Variants in ITPR3 observed in about 807,000 individuals in gnomAD.
The protein encoded by ITPR3 is inositol 1,4,5-trisphosphate-gated calcium channel ITPR3.
Under a neutral mutation model 293.2 loss-of-function variants are expected in ITPR3, and 173 were observed. The observed-to-expected ratio is 0.59, with a 90% CI of 0.52 to 0.67. The LOEUF (loss-of-function observed/expected upper bound fraction) is 0.67, where lower values mean the gene tolerates loss of function less well. ITPR3 is among the 30% of genes least tolerant of loss of function. The probability of loss-of-function intolerance (pLI) is 0.00; values close to 1 mark genes in which losing one functional copy is unlikely to be tolerated. For missense variants in ITPR3, 2,796 were observed against 3,592.1 expected, an observed-to-expected ratio of 0.78 and a Z score of 5.66; for synonymous variants, 1,295 against 1,444.4, an observed-to-expected ratio of 0.90 and a Z score of 2.35.
chr6:33,695,214 G>A (rs1209772977), intron 57 of ITPR3, 129 bp downstream of exon 57: 6 of 1,018,796 alleles, frequency 5.9e-6, no homozygotes, highest in South Asian at 1.7e-5. Context: ...GAGAAGGCAG[G>A]TGCCAAACCC....
In ITPR3 at chr6:33,691,741, G is replaced by A. The variant is rs1765397638; in HGVS notation, c.7330+22G>A. 1.2e-6 allele frequency: 2 copies of A among 1,613,374 alleles called. No homozygotes were observed. The highest frequency in any genetic ancestry group is 1.7e-5 in the Admixed American group (1 of 59,872). On this transcript the variant is annotated intron_variant, in intron 53 of 57. Transcript: ENST00000605930. This position sits in a 1 kb window ranked among gnomAD's most constrained non-coding sequence, Gnocchi z 4.9. ...GAAGGTGAGGGTGGTGTGTGTGCAG[G>A]AGTCTGTGTGGGGTAGGAGGAGCAG...
intron 33 of ITPR3, among the ~76,000 whole-genome samples, chr6:33,680,884 G>C (rs9469556): frequency 6.7e-6 from 1 of 148,262 alleles, no homozygotes; most frequent in East Asian, 2.0e-4. Flanking sequence ...GCAGTGGCGC[G>C]ATCTCTGCTT....
Position 33,667,326 on chromosome 6 carries a change from C to A in ITPR3, c.1713+36C>A. On this transcript the variant is annotated intron_variant, in intron 15 of 57. Transcript: ENST00000605930. The surrounding 1 kb of genome is among the most constrained non-coding windows in gnomAD (Gnocchi z 4.4). The stretch of plus-strand genomic sequence containing the variant: ...GCCCTGCTGGCCCACTCGCTGGCTG[C>A]ACGTTCCTTCCTCAGCAAGCGATTT... 6.3e-7 allele frequency: 1 copy of A among 1,596,864 alleles called. No individual in the cohort carries two copies. The highest frequency in any genetic ancestry group is 8.5e-7 in the Non-Finnish European group (1 of 1,171,360).
Position 33,670,929 on chromosome 6 carries a change from G to A in ITPR3, c.2586+114G>A. Reference sequence around the variant, plus strand: ...GGGATCCATGACCCCACTTCCTTCTGTGTCCCCAGCCAGTGCAGGGGGACC... The same window carrying A: ...GGGATCCATGACCCCACTTCCTTCTATGTCCCCAGCCAGTGCAGGGGGACC... On this transcript the variant is annotated intron_variant, in intron 20 of 57. Coordinates refer to ENST00000605930, the MANE Select transcript of ITPR3 (RefSeq NM_002224.4). The surrounding 1 kb of genome is among the most constrained non-coding windows in gnomAD (Gnocchi z 6.7). 1 of 1,412,850 alleles carries A rather than the reference G, an allele frequency of 7.1e-7. No homozygotes were observed. The allele number at this position is 1,412,850 out of a possible 1,614,324, so 87.5% of individuals were successfully genotyped here.
chr6:33,657,139 A>C (rs1484440515), intron 3 of ITPR3, among the ~76,000 whole-genome samples: 1 of 152,140 alleles, frequency 6.6e-6, no homozygotes, highest in Non-Finnish European at 1.5e-5. Context: ...TCCTGCTGCC[A>C]CCTTCGCCTC....
At position 33,689,240 on chromosome 6, in the gene ITPR3, G is replaced by A. The variant is rs373107106; in HGVS notation, c.6697G>A (p.Val2233Met). Residue 2233 changes from valine to methionine, a missense_variant and splice_region_variant, in exon 50 of 58, where the codon GTG becomes ATG. By Grantham distance (21) the Val-to-Met change is conservative. Coordinates refer to ENST00000605930, the MANE Select transcript of ITPR3 (RefSeq NM_002224.4). Reference sequence around the variant, plus strand: ...CTCACCCTGCCCCTGGCCCCCAGGCGTGCTGGACTCCCCTCTCATCTCATT... The same window carrying A: ...CTCACCCTGCCCCTGGCCCCCAGGCATGCTGGACTCCCCTCTCATCTCATT... Reference protein sequence around the residue: ...YPYMEGASTGVLDSPLISLLF... With the variant: ...YPYMEGASTGMLDSPLISLLF... 55 of 1,609,000 alleles carry A rather than the reference G, an allele frequency of 3.4e-5. No homozygotes were observed. The highest frequency in any genetic ancestry group is 1.1e-4 in the East Asian group (5 of 44,882).
intron 2 of ITPR3, among the ~76,000 whole-genome samples, chr6:33,641,458 G>C (rs561690599): frequency 6.6e-6 from 1 of 152,190 alleles, no homozygotes; most frequent in South Asian, 2.1e-4. Flanking sequence ...TGGCTGGCTG[G>C]CTGGCGGCCG....
chr6:33,680,614 C>T lies in ITPR3; in HGVS notation c.4410C>T (p.Ser1470=), dbSNP rs771140880. 7.4e-6 allele frequency: 12 copies of T among 1,613,972 alleles called. No individual in the cohort carries two copies. Among genetic ancestry groups the T allele is most frequent in the Middle Eastern group, 1.6e-4 (1 of 6,084 alleles). The change falls in exon 33 of 58, where the codon AGC becomes AGT. Residue 1470 remains serine (S), a synonymous_variant. Transcript: ENST00000605930. Reference sequence around the variant, plus strand: ...CCACCTTGGAGAAGTACGTGCTGAGCGTTGTGCTGGACACCATCAACGCCT... The same window carrying T: ...CCACCTTGGAGAAGTACGTGCTGAGTGTTGTGCTGGACACCATCAACGCCT... ...ADPTLEKYVL[S]VVLDTINAFF...
chr6:33,680,838 TGAGATGGAG>T (rs1765054892), intron 33 of ITPR3, among the ~76,000 whole-genome samples, 158 bp downstream of exon 33: 1 of 147,794 alleles, frequency 6.8e-6, no homozygotes, highest in Non-Finnish European at 1.5e-5. Flanking sequence ...TTTTTTTTTT[TGAGATGGAG>T]TTTCACTCTG....
At chr6:33,627,688 G>C (rs1220738554) in intron 1 of ITPR3, among the ~76,000 whole-genome samples, 1 of 152,180 alleles carries the variant, frequency 6.6e-6, no homozygotes, top group East Asian at 1.9e-4. Flanking sequence ...CTAACTTTTT[G>C]TGTTTCTGTG....
rs148764699 is a variant in ITPR3, at chr6:33,623,519, G to C, written c.89+1828G>C. The stretch of plus-strand genomic sequence containing the variant: ...TTTTGTATTTTTTTTGTAGAGACTG[G>C]GTTTCACCATGTTGCCCAGGCTGGT... On this transcript the variant is annotated intron_variant, in intron 1 of 57. Transcript: ENST00000605930. Among the ~76,000 whole-genome samples, 772 of 151,652 alleles carry C rather than the reference G, an allele frequency of 5.1e-3. 21 individuals are homozygous for C. Among genetic ancestry groups the C allele is most frequent in the East Asian group, 0.047 (245 of 5,158 alleles).
Position 33,670,945 on chromosome 6 carries a change from C to T in ITPR3, c.2586+130C>T. 1.5e-6 allele frequency: 2 copies of T among 1,340,834 alleles called. No individual in the cohort carries two copies. The highest frequency in any genetic ancestry group is 1.0e-6 in the Non-Finnish European group (1 of 977,064). The allele number at this position is 1,340,834 out of a possible 1,614,324, so 83.1% of individuals were successfully genotyped here. A position where few individuals can be genotyped will look rare whatever the true frequency, so the allele number is the denominator to read the frequency against. On this transcript the variant is annotated intron_variant, in intron 20 of 57. Transcript: ENST00000605930. The surrounding 1 kb of genome is among the most constrained non-coding windows in gnomAD (Gnocchi z 6.7). ...CTTCCTTCTGTGTCCCCAGCCAGTG[C>T]AGGGGGACCGCATAGAAGGCTGGGA...
At position 33,633,038 on chromosome 6, in the gene ITPR3, C is replaced by A. The variant is rs1463145361; in HGVS notation, c.90-7446C>A. Reference sequence around the variant, plus strand: ...ACTGTGGTAAGAACACAATGAGATACTGGATGTAAAAACGATTGATAAACT... The same window carrying A: ...ACTGTGGTAAGAACACAATGAGATAATGGATGTAAAAACGATTGATAAACT... On this transcript the variant is annotated intron_variant, in intron 1 of 57. Coordinates refer to ENST00000605930, the MANE Select transcript of ITPR3 (RefSeq NM_002224.4). The surrounding 1 kb of genome is among the most constrained non-coding windows in gnomAD (Gnocchi z 5.2). 6.6e-6 allele frequency among the ~76,000 whole-genome samples: 1 copy of A among 152,204 alleles called. No individual in the cohort carries two copies. The highest frequency in any genetic ancestry group is 1.5e-5 in the Non-Finnish European group (1 of 68,028).
At chr6:33,639,610 G>T (rs1168418437) in intron 1 of ITPR3, among the ~76,000 whole-genome samples, 1 of 152,114 alleles carries the variant, frequency 6.6e-6, no homozygotes, top group Non-Finnish European at 1.5e-5. Flanking sequence ...CCTTTGACAC[G>T]GTGGGTGATC....
Position 33,664,148 on chromosome 6 carries a change from A to G in ITPR3, c.1148+268A>G, listed in dbSNP as rs970901962. On this transcript the variant is annotated intron_variant, in intron 11 of 57. Transcript: ENST00000605930. The surrounding 1 kb of genome is among the most constrained non-coding windows in gnomAD (Gnocchi z 4.4). ...ATGGCAGTTTGTCTAGGACACCAGC[A>G]GCACAGGGAACCCAAACACTGGATG... is the stretch of plus-strand genomic sequence containing the variant. Among the ~76,000 whole-genome samples, 22 of 152,344 alleles carry G rather than the reference A, an allele frequency of 1.4e-4. No homozygotes were observed. The highest frequency in any genetic ancestry group is 1.1e-3 in the Admixed American group (17 of 15,310).
At chr6:33,668,484 C>G in intron 16 of ITPR3, 31 bp from the exon 17 acceptor site, 1 of 1,613,960 alleles carries the variant, frequency 6.2e-7, no homozygotes, top group South Asian at 1.1e-5. Flanking sequence ...CTCTGAGACC[C>G]TCTTCCCACC....
At chr6:33,678,881 G>A (rs1422414836) in intron 30 of ITPR3, 42 bp downstream of exon 30, 3 of 1,577,132 alleles carry the variant, frequency 1.9e-6, no homozygotes, top group East Asian at 2.3e-5. Context: ...CTTGGGGTGG[G>A]GGACCGGAGC....
rs1763744648 is a variant in ITPR3, at chr6:33,633,785, C to G, written c.90-6699C>G. On this transcript the variant is annotated intron_variant, in intron 1 of 57. Transcript: ENST00000605930. This position sits in a 1 kb window ranked among gnomAD's most constrained non-coding sequence, Gnocchi z 5.2. The stretch of plus-strand genomic sequence containing the variant: ...GGGGCCGGGGCCGGGGCCGGACGCC[C>G]GGAGCTCGCGGGCCGGGCCAGGCTG... Among the ~76,000 whole-genome samples the G allele has an allele frequency of 2.8e-5, 3 of 106,500 alleles. No homozygotes were observed. The highest frequency in any genetic ancestry group is 6.7e-4 in the South Asian group (2 of 2,968). The allele number at this position is 106,500 out of a possible 152,430, so 69.9% of individuals were successfully genotyped here. A position where few individuals can be genotyped will look rare whatever the true frequency, so the allele number is the denominator to read the frequency against.
At position 33,654,706 on chromosome 6, in the gene ITPR3, G is replaced by T. The variant is rs1764267330; in HGVS notation, c.161-1060G>T. ...AGCCATCTCCTTTCTGTTCCACACT[G>T]CCAGAGCATTGTACAATCAGGGACT... On this transcript the variant is annotated intron_variant, in intron 2 of 57. Coordinates refer to ENST00000605930, the MANE Select transcript of ITPR3 (RefSeq NM_002224.4). This position sits in a 1 kb window ranked among gnomAD's most constrained non-coding sequence, Gnocchi z 4.1. 6.6e-6 allele frequency among the ~76,000 whole-genome samples: 1 copy of T among 152,148 alleles called. No individual in the cohort carries two copies. Among genetic ancestry groups the T allele is most frequent in the African/African-American group, 2.4e-5 (1 of 41,426 alleles).
Sources: allele counts gnomAD v4.1 joint callset (sites outside exome capture counted in the v4.1 genomes callset), GRCh38; gene constraint gnomAD v4.1.1; non-coding constraint Gnocchi (gnomAD v3.1); transcripts MANE v1.5; gene names NCBI Gene and HGNC (gene_info 2026-07-23, HGNC 2026-07-21).